GRM8: variants seen among roughly 807,000 people sequenced by gnomAD.
The protein encoded by GRM8 is glutamate metabotropic receptor 8.
GRM8 carries 47 observed loss-of-function variants against 87.2 expected under a neutral mutation model. The observed-to-expected ratio is 0.54, with a 90% CI of 0.43 to 0.69. The LOEUF is 0.69. Ranked by LOEUF, GRM8 falls within the 30% of genes least tolerant of loss-of-function variation. The pLI is 0.00. For synonymous variants in GRM8, 396 were observed against 404.5 expected (o/e 0.98, Z 0.25); for missense variants, 1,019 against 1,139.2 (o/e 0.89, Z 1.52).
At chr7:127,133,281 G>T (rs937066053) in intron 2 of GRM8, among the ~76,000 whole-genome samples, 13 of 152,052 alleles carry the variant, frequency 8.5e-5, no homozygotes, top group Admixed American at 8.5e-4. Context: ...AGCCGGGCAT[G>T]GTGGCGGGTG....
At chr7:126,912,514 C>CA (rs1378415997) in intron 3 of GRM8, among the ~76,000 whole-genome samples, 5 of 152,220 alleles carry the variant, frequency 3.3e-5, no homozygotes, top group South Asian at 4.2e-4. Flanking sequence ...CAGTATCTGA[C>CA]AAAAAATCTC....
chr7:127,061,279 T>C (rs1394132392), intron 3 of GRM8, among the ~76,000 whole-genome samples: 4 of 152,236 alleles, frequency 2.6e-5, no homozygotes, highest in Non-Finnish European at 5.9e-5. Context: ...CTAGAAATTG[T>C]GCTAGGTGAT....
intron 3 of GRM8, among the ~76,000 whole-genome samples, chr7:126,952,191 G>T (rs1222921117): frequency 6.6e-6 from 1 of 151,804 alleles, no homozygotes; most frequent in Non-Finnish European, 1.5e-5. Flanking sequence ...ATGAAAATAA[G>T]CTCCTAACAG....
At position 126,533,562 on chromosome 7, in the gene GRM8, C is replaced by A; in HGVS notation, c.1820G>T (p.Arg607Leu). 1.2e-6 allele frequency: 2 copies of A among 1,614,012 alleles called. No individual in the cohort carries two copies. Among genetic ancestry groups the A allele is most frequent in the Admixed American group, 3.3e-5 (2 of 60,010 alleles). Residue 607 changes from arginine to leucine, a missense_variant, in exon 9 of 11, where the codon CGC (arginine) becomes CTC (leucine). Transcript: ENST00000339582. ...ATTFVIVTFV[R>L]YNDTPIVRAS... ...CCTCACGATAGGTGTGTCATTATAG[C>A]GGACAAAGGTCACGATCACAAAGGT...
intron 3 of GRM8, among the ~76,000 whole-genome samples, chr7:127,028,561 G>A (rs952792690): frequency 3.3e-5 from 5 of 152,086 alleles, no homozygotes; most frequent in Non-Finnish European, 5.9e-5. Context: ...TTTAGTCTTG[G>A]GAAGGTATAT....
intron 9 of GRM8, among the ~76,000 whole-genome samples, chr7:126,460,222 C>T (rs1184217341): frequency 6.6e-6 from 1 of 151,472 alleles, no homozygotes; most frequent in East Asian, 2.0e-4. Flanking sequence ...CTGAAGCACT[C>T]CAGAAAATTA....
chr7:126,590,961 C>A (rs1179584991), intron 8 of GRM8, among the ~76,000 whole-genome samples: 2 of 151,640 alleles, frequency 1.3e-5, no homozygotes, highest in Non-Finnish European at 2.9e-5. Flanking sequence ...ACAACAACAC[C>A]ATAAATTTTT....
chr7:126,576,052 T>G (rs946423163), intron 8 of GRM8, among the ~76,000 whole-genome samples: 6 of 152,180 alleles, frequency 3.9e-5, no homozygotes, highest in Non-Finnish European at 7.4e-5. Context: ...TTCTAGTCTC[T>G]GAGCTTTGGT....
intron 2 of GRM8, among the ~76,000 whole-genome samples, chr7:127,213,036 C>G (rs1348510599): frequency 6.6e-6 from 1 of 152,222 alleles, no homozygotes; most frequent in Non-Finnish European, 1.5e-5. Context: ...CTGCAACTCA[C>G]TGGATGTTGA....
intron 2 of GRM8, among the ~76,000 whole-genome samples, chr7:127,185,829 T>C (rs1310553114): frequency 1.3e-5 from 2 of 152,180 alleles, no homozygotes; most frequent in African/African-American, 4.8e-5. Flanking sequence ...GAGTAATCTT[T>C]CACTTGGCCA....
chr7:127,114,509 G>T (rs970494166), intron 2 of GRM8, among the ~76,000 whole-genome samples: 1 of 152,046 alleles, frequency 6.6e-6, no homozygotes, highest in Admixed American at 6.6e-5. Flanking sequence ...TTCCATTATG[G>T]GCCAGGATGA....
chr7:126,584,217 G>A (rs1795881386), intron 8 of GRM8, among the ~76,000 whole-genome samples: 3 of 145,682 alleles, frequency 2.1e-5, no homozygotes, highest in Admixed American at 6.9e-5. Flanking sequence ...AGAGTATACT[G>A]TAAAGATAAC....
intron 8 of GRM8, among the ~76,000 whole-genome samples, chr7:126,587,012 T>C (rs1426209471): frequency 6.6e-6 from 1 of 150,450 alleles, no homozygotes; most frequent in African/African-American, 2.4e-5. Flanking sequence ...AAAAACTGGG[T>C]GAAGGATATG....
intron 9 of GRM8, among the ~76,000 whole-genome samples, chr7:126,523,541 G>C (rs985487847): frequency 6.7e-6 from 1 of 150,016 alleles, no homozygotes; most frequent in East Asian, 2.0e-4. Context: ...CTGTCACCCA[G>C]GCTGGAGTGC....
At chr7:126,918,488 A>G (rs951471243) in intron 3 of GRM8, among the ~76,000 whole-genome samples, 6 of 152,222 alleles carry the variant, frequency 3.9e-5, no homozygotes, top group African/African-American at 1.4e-4. Flanking sequence ...AAAAAAAATT[A>G]AGTTAGCCAT....
intron 7 of GRM8, among the ~76,000 whole-genome samples, chr7:126,715,314 C>G (rs376319372): frequency 6.6e-6 from 1 of 152,284 alleles, no homozygotes; most frequent in South Asian, 2.1e-4. Context: ...ATAGCAGCAG[C>G]AGGTGGTTAC....
At chr7:126,496,931 A>C (rs963074790) in intron 9 of GRM8, among the ~76,000 whole-genome samples, 1 of 151,050 alleles carries the variant, frequency 6.6e-6, no homozygotes, top group Non-Finnish European at 1.5e-5. Context: ...TACTGAATGC[A>C]TATCTGTGCT....
chr7:126,763,501 G>A lies in GRM8; in HGVS notation c.1357+6364C>T, dbSNP rs1309212559. 4.5e-5 allele frequency among the ~76,000 whole-genome samples: 6 copies of A among 133,358 alleles called. No individual in the cohort carries two copies. In the South Asian group the frequency reaches 1.4e-3, roughly 32 times the overall value. 87.5% of individuals were successfully genotyped at this position (133,358 alleles called of 152,430 possible). A position where few individuals can be genotyped will look rare whatever the true frequency, so the allele number is the denominator to read the frequency against. On this transcript the variant is annotated intron_variant, in intron 7 of 10. Coordinates refer to ENST00000339582, the MANE Select transcript of GRM8 (RefSeq NM_000845.3). ...CACACACACACACACACACACAATT[G>A]TAGAATTATTTACTTATTTATCATC...
intron 2 of GRM8, among the ~76,000 whole-genome samples, chr7:127,233,092 A>C (rs1587344437): frequency 1.3e-5 from 2 of 152,188 alleles, no homozygotes; most frequent in South Asian, 4.1e-4. Context: ...GGCCTCCCAA[A>C]GTGCTGAGAT....
Sources: allele counts gnomAD v4.1 joint callset (sites outside exome capture counted in the v4.1 genomes callset), GRCh38; gene constraint gnomAD v4.1.1; transcripts MANE v1.5; gene names NCBI Gene and HGNC (gene_info 2026-07-23, HGNC 2026-07-21).